The following FRMD4A variants were observed in gnomAD, a reference collection of about 807,000 sequenced individuals.
The protein encoded by FRMD4A is FERM domain containing 4A, also known as FERM domain-containing protein 4A.
In FRMD4A, 29 loss-of-function variants were observed where a neutral mutation model predicts 129.1. That is an observed-to-expected ratio of 0.22 (90% confidence interval 0.17 to 0.31). The LOEUF is 0.31. Ranked by LOEUF, FRMD4A falls within the 10% of genes least tolerant of loss-of-function variation. The pLI, the probability that FRMD4A is intolerant of heterozygous loss-of-function variation, is 1.00. For missense variants in FRMD4A, 1,272 were observed against 1,375.8 expected (o/e 0.92, Z 1.19); for synonymous variants, 634 against 571.6 (o/e 1.11, Z -1.56).
chr10:13,837,890 G>A (rs1025791962), intron 3 of FRMD4A, among the ~76,000 whole-genome samples: 4 of 151,996 alleles, frequency 2.6e-5, no homozygotes, highest in Admixed American at 6.6e-5. Flanking sequence ...CTGTTCTGAT[G>A]ACATGACAGC....
intron 3 of FRMD4A, among the ~76,000 whole-genome samples, chr10:13,826,320 G>T (rs1199991855): frequency 6.6e-6 from 1 of 152,142 alleles, no homozygotes; most frequent in Non-Finnish European, 1.5e-5. Flanking sequence ...TCACTACACG[G>T]TGAGGGGAAT....
chr10:13,920,985 T>A (rs888665456), intron 2 of FRMD4A, among the ~76,000 whole-genome samples: 1 of 152,202 alleles, frequency 6.6e-6, no homozygotes, highest in African/African-American at 2.4e-5. Flanking sequence ...ATTTTACAGA[T>A]GTCTTAGTCT....
intron 3 of FRMD4A, among the ~76,000 whole-genome samples, chr10:13,817,799 T>A (rs577294599): frequency 2.0e-5 from 3 of 152,306 alleles, no homozygotes; most frequent in East Asian, 3.9e-4. Context: ...ATTAGCAGCA[T>A]GAGAACAGAC....
Position 14,204,995 on chromosome 10 carries a change from C to G in FRMD4A, c.45+125063G>C, listed in dbSNP as rs543864007. On this transcript the variant is annotated intron_variant, in intron 2 of 24. Transcript: ENST00000357447. The stretch of plus-strand genomic sequence containing the variant: ...AAAGTCGCTGCTGTTGTCTCCACCC[C>G]ACGTGTCTCTGCCTTAACCCTTCCT... Among the ~76,000 whole-genome samples, 6 of 152,188 alleles carry G rather than the reference C, an allele frequency of 3.9e-5. No individual in the cohort carries two copies. The East Asian group carries it at 5.8e-4, about 15-fold the overall frequency.
At chr10:13,731,619 A>G (rs1036601535) in intron 12 of FRMD4A, among the ~76,000 whole-genome samples, 5 of 146,656 alleles carry the variant, frequency 3.4e-5, no homozygotes, top group Admixed American at 2.8e-4. Context: ...ATTGCACTCC[A>G]GCCTGGGCAA....
At chr10:13,729,251 A>C (rs1188539149) in intron 12 of FRMD4A, 1 of 152,286 alleles carries the variant, frequency 6.6e-6, no homozygotes, top group Non-Finnish European at 1.5e-5. Context: ...AAATGCTAAG[A>C]ATGCTGAGTG....
chr10:14,292,855 G>C (rs369295849), intron 2 of FRMD4A, among the ~76,000 whole-genome samples: 124 of 152,122 alleles, frequency 8.2e-4, no homozygotes, highest in African/African-American at 2.9e-3. Context: ...TCTTCAGGTA[G>C]AAGTTCTTAA....
At chr10:13,760,148 T>C (rs1353228612) in intron 8 of FRMD4A, among the ~76,000 whole-genome samples, 1 of 152,140 alleles carries the variant, frequency 6.6e-6, no homozygotes, top group Non-Finnish European at 1.5e-5. Flanking sequence ...ATCCATTTAC[T>C]TATCCTATGG....
intron 2 of FRMD4A, among the ~76,000 whole-genome samples, chr10:14,132,000 A>C (rs927751916): frequency 6.6e-6 from 1 of 152,210 alleles, no homozygotes; most frequent in Non-Finnish European, 1.5e-5. Context: ...AAAGGCATAA[A>C]ATTCAAACAT....
chr10:13,756,367 A>AT (rs1390580490), intron 8 of FRMD4A, among the ~76,000 whole-genome samples: 1 of 152,052 alleles, frequency 6.6e-6, no homozygotes, highest in Admixed American at 6.6e-5. Context: ...TTTTTATTTT[A>AT]TTTTTTGAGA....
rs866666832 is a variant in FRMD4A, at chr10:14,181,831, C to A, written c.45+148227G>T. Among the ~76,000 whole-genome samples, 41 of 152,252 alleles carry A rather than the reference C, an allele frequency of 2.7e-4. 1 individual carries two copies. Among genetic ancestry groups the A allele is most frequent in the African/African-American group, 8.4e-4 (35 of 41,548 alleles). Reference sequence around the variant, plus strand: ...TCAGCCTCCCCAGCAGCTGGGACTACAGATGTGCACCAACATGCCCAGCTA... The same window carrying A: ...TCAGCCTCCCCAGCAGCTGGGACTAAAGATGTGCACCAACATGCCCAGCTA... On this transcript the variant is annotated intron_variant, in intron 2 of 24. Transcript: ENST00000357447.
At chr10:14,325,874 A>G (rs1317509191) in intron 2 of FRMD4A, among the ~76,000 whole-genome samples, 1 of 152,236 alleles carries the variant, frequency 6.6e-6, no homozygotes, top group African/African-American at 2.4e-5. Flanking sequence ...AAACATAGAC[A>G]AGGGAGCTGG....
intron 6 of FRMD4A, among the ~76,000 whole-genome samples, chr10:13,765,673 G>A (rs765711606): frequency 1.3e-5 from 2 of 152,186 alleles, no homozygotes; most frequent in Admixed American, 1.3e-4. Context: ...AGAGCTTTAC[G>A]GCGGTTGGAA....
intron 2 of FRMD4A, among the ~76,000 whole-genome samples, chr10:14,202,532 C>T (rs1433718102): frequency 5.3e-5 from 8 of 151,974 alleles, no homozygotes; most frequent in Admixed American, 6.6e-5. Context: ...CTCCCAAGTA[C>T]GGGGATTACA....
intron 3 of FRMD4A, among the ~76,000 whole-genome samples, chr10:13,840,051 A>G (rs2093938412): frequency 6.6e-6 from 1 of 152,082 alleles, no homozygotes; most frequent in African/African-American, 2.4e-5. Context: ...CTGCCTTAAT[A>G]CCTCACAATT....
At chr10:14,183,256 C>G (rs1430807785) in intron 2 of FRMD4A, among the ~76,000 whole-genome samples, 1 of 152,186 alleles carries the variant, frequency 6.6e-6, no homozygotes. Context: ...AATGTGCAGA[C>G]AGAGTTCACT....
chr10:13,920,822 AT>A lies in FRMD4A; in HGVS notation c.46-61911del, dbSNP rs368629573. On this transcript the variant is annotated intron_variant, in intron 2 of 24. Coordinates refer to ENST00000357447, the MANE Select transcript of FRMD4A (RefSeq NM_018027.5). ...TTGTATTCAAATCTTTGCTTTTATT[AT>A]TTTTTTTTAATCCTTCCACTTAGCA... 6.1e-3 allele frequency among the ~76,000 whole-genome samples: 917 copies of A among 151,488 alleles called. 5 individuals are homozygous for A. The highest frequency in any genetic ancestry group is 6.9e-3 in the Non-Finnish European group (468 of 67,812).
intron 2 of FRMD4A, among the ~76,000 whole-genome samples, chr10:14,133,007 C>A (rs1839342471): frequency 6.6e-6 from 1 of 152,186 alleles, no homozygotes; most frequent in Admixed American, 6.5e-5. Flanking sequence ...CTCATGCCAT[C>A]ATCAGTAAGA....
At chr10:14,039,475 T>TTGGAACCCCAAA (rs1833690252) in intron 2 of FRMD4A, among the ~76,000 whole-genome samples, 3 of 141,318 alleles carry the variant, frequency 2.1e-5, no homozygotes, top group African/African-American at 8.3e-5. Context: ...TCTATCTATC[T>TTGGAACCCCAAA]ATCTATCTAT....
Sources: gnomAD v4.1 joint callset for allele counts (sites outside exome capture counted in the v4.1 genomes callset) on GRCh38, gnomAD v4.1.1 for gene constraint, MANE v1.5 for transcripts, NCBI Gene and HGNC (gene_info 2026-07-23, HGNC 2026-07-21) for gene names.